The following YARS1 variants were observed in gnomAD, a reference collection of about 807,000 sequenced individuals.
YARS1 encodes the protein tyrosyl-tRNA synthetase 1, also known as tyrosine--tRNA ligase, cytoplasmic.
YARS1 carries 36 observed loss-of-function variants against 62.2 expected under a neutral mutation model. The ratio of observed to expected loss-of-function variants is 0.58; its 90% CI spans 0.44 to 0.76. The LOEUF is 0.76. Among genes scored for constraint, YARS1 ranks in the 30% least tolerant of loss-of-function variants. The pLI, the probability that YARS1 is intolerant of heterozygous loss-of-function variation, is 0.00. For synonymous variants in YARS1, 234 were observed against 244.9 expected, an observed-to-expected ratio of 0.96 and a Z score of 0.42; for missense variants, 524 against 639.8, an observed-to-expected ratio of 0.82 and a Z score of 1.95.
At chr1:32,809,152 T>C (rs952557607) in intron 3 of YARS1, among the ~76,000 whole-genome samples, 1 of 151,998 alleles carries the variant, frequency 6.6e-6, no homozygotes, top group African/African-American at 2.4e-5. Flanking sequence ...AGTGGTATGA[T>C]CTCCACTCAC....
chr1:32,806,950 A>C (rs1372473887), intron 3 of YARS1, among the ~76,000 whole-genome samples: 1 of 152,234 alleles, frequency 6.6e-6, no homozygotes, highest in Non-Finnish European at 1.5e-5. Context: ...TGAATCTAAA[A>C]TAAAAGTTGG....
intron 1 of YARS1, 36 bp downstream of exon 1, chr1:32,817,152 A>C: frequency 1.2e-6 from 2 of 1,613,302 alleles, no homozygotes; most frequent in Non-Finnish European, 1.7e-6. Flanking sequence ...CGGGCTCCTA[A>C]TCCCCAACGG....
intron 8 of YARS1, among the ~76,000 whole-genome samples, chr1:32,785,225 C>T (rs577365183): frequency 1.8e-4 from 28 of 152,164 alleles, no homozygotes; most frequent in Middle Eastern, 3.4e-3. Flanking sequence ...TCTGGGAGGC[C>T]GAGGCAGGCG....
intron 5 of YARS1, among the ~76,000 whole-genome samples, chr1:32,792,091 TG>T (rs1350813181): frequency 6.6e-6 from 1 of 152,180 alleles, no homozygotes; most frequent in African/African-American, 2.4e-5. Context: ...TAGCTGTGTA[TG>T]CACATAGTGA....
chr1:32,791,781 G>A (rs1014925554), intron 5 of YARS1, among the ~76,000 whole-genome samples: 1 of 152,060 alleles, frequency 6.6e-6, no homozygotes, highest in Non-Finnish European at 1.5e-5. Context: ...CAGCCTGGGC[G>A]ACAAGAGCGA....
At chr1:32,813,413 G>T (rs1384960813) in intron 1 of YARS1, among the ~76,000 whole-genome samples, 1 of 152,178 alleles carries the variant, frequency 6.6e-6, no homozygotes, top group African/African-American at 2.4e-5. Context: ...CCGCCTCCAG[G>T]GTTCAAGTGA....
intron 5 of YARS1, among the ~76,000 whole-genome samples, chr1:32,794,342 T>A (rs889716456): frequency 6.6e-6 from 1 of 152,046 alleles, no homozygotes; most frequent in Non-Finnish European, 1.5e-5. Context: ...AGAGGGAGAC[T>A]CAGTCTCAGA....
chr1:32,791,733 C>T (rs559301885), intron 5 of YARS1, among the ~76,000 whole-genome samples: 24 of 152,156 alleles, frequency 1.6e-4, no homozygotes, highest in African/African-American at 5.8e-4. Flanking sequence ...ACCCGGGAGG[C>T]GGAGGTTGCA....
chr1:32,786,813 G>A (rs1653242658), intron 7 of YARS1, 127 bp downstream of exon 7: 1 of 1,266,982 alleles, frequency 7.9e-7, no homozygotes, highest in Non-Finnish European at 1.1e-6. Context: ...TAATATATAA[G>A]AAATCAGAGC....
chr1:32,779,716 C>A, intron 11 of YARS1, 193 bp from the exon 12 acceptor site: 1 of 705,716 alleles, frequency 1.4e-6, no homozygotes, highest in South Asian at 1.8e-5. Flanking sequence ...CCAGGCTATA[C>A]CAAAATTGTG....
Position 32,777,353 on chromosome 1 carries a change from C to T in YARS1, c.1477-1262G>A, listed in dbSNP as rs1652902083. 2.6e-5 allele frequency among the ~76,000 whole-genome samples: 4 copies of T among 151,980 alleles called. No homozygotes were observed. The South Asian group carries it at 8.4e-4, about 32-fold the overall frequency. On this transcript the variant is annotated intron_variant, in intron 12 of 12. Coordinates refer to ENST00000373477, the MANE Select transcript of YARS1 (RefSeq NM_003680.4). ...GGAGGCTTGGAACAGTGGCTCATGCCTGTAATCCCAGCACTTTGGGAGGCC... is the reference window on the plus strand; with the variant it reads ...GGAGGCTTGGAACAGTGGCTCATGCTTGTAATCCCAGCACTTTGGGAGGCC...
At chr1:32,791,528 A>T (rs1266757686) in intron 5 of YARS1, among the ~76,000 whole-genome samples, 2 of 152,190 alleles carry the variant, frequency 1.3e-5, no homozygotes, top group Non-Finnish European at 1.5e-5. Flanking sequence ...CAAGCCGGGC[A>T]TGGTGGCTCA....
chr1:32,779,336 A>G (rs754153737), intron 12 of YARS1, 46 bp downstream of exon 12: 1 of 1,613,990 alleles, frequency 6.2e-7, no homozygotes, highest in South Asian at 1.1e-5. Flanking sequence ...CTGGGGACAC[A>G]GTCCAGGCAG....
chr1:32,801,942 CTTTTTT>C (rs34270752), intron 4 of YARS1, among the ~76,000 whole-genome samples: 78 of 103,890 alleles, frequency 7.5e-4, no homozygotes, highest in Non-Finnish European at 1.2e-3. Flanking sequence ...CTTGTTATTT[CTTTTTT>C]TTTTTTTTTT....
chr1:32,804,307 C>T (rs1045110733), intron 4 of YARS1, among the ~76,000 whole-genome samples: 1 of 152,130 alleles, frequency 6.6e-6, no homozygotes, highest in South Asian at 2.1e-4. Context: ...ACTTCCCAGA[C>T]GGGGCGGCCG....
At chr1:32,793,211 G>A (rs1234089052) in intron 5 of YARS1, among the ~76,000 whole-genome samples, 4 of 152,162 alleles carry the variant, frequency 2.6e-5, no homozygotes, top group Admixed American at 2.0e-4. Context: ...GTCCCTAGAG[G>A]AGAAAGAGAA....
chr1:32,783,218 G>A (rs894740648), intron 8 of YARS1: 1 of 153,082 alleles, frequency 6.5e-6, no homozygotes, highest in African/African-American at 2.4e-5. Flanking sequence ...GGATGGGGAT[G>A]AGGGTTAAAT....
chr1:32,791,911 C>T (rs1322157528), intron 5 of YARS1, among the ~76,000 whole-genome samples: 5 of 152,130 alleles, frequency 3.3e-5, no homozygotes, highest in Non-Finnish European at 7.4e-5. Context: ...TGGGCTTTCT[C>T]ACTGAGGGTA....
At chr1:32,809,398 T>C (rs1638531664) in intron 3 of YARS1, among the ~76,000 whole-genome samples, 1 of 152,164 alleles carries the variant, frequency 6.6e-6, no homozygotes, top group South Asian at 2.1e-4. Flanking sequence ...CTATTTTTCT[T>C]TCTTTCTTTT....
Sources: gnomAD v4.1 joint callset for allele counts (sites outside exome capture counted in the v4.1 genomes callset) on GRCh38, gnomAD v4.1.1 for gene constraint, MANE v1.5 for transcripts, NCBI Gene and HGNC (gene_info 2026-07-23, HGNC 2026-07-21) for gene names.